Variants in EML4 observed in about 807,000 individuals in gnomAD.
EML4 encodes echinoderm microtubule-associated protein-like 4.
Under a neutral mutation model 129.0 loss-of-function variants are expected in EML4, and 72 were observed. That is an observed-to-expected ratio of 0.56 (90% CI 0.46 to 0.68). The LOEUF is 0.68. EML4 is among the 30% of genes least tolerant of loss of function. EML4 has a pLI of 0.00. For missense variants in EML4, 1,363 were observed against 1,190.6 expected, an observed-to-expected ratio of 1.14 and a Z score of -2.13; for synonymous variants, 532 against 405.0, an observed-to-expected ratio of 1.31 and a Z score of -3.77.
chr2:42,296,429 C>G (rs911428360), intron 13 of EML4, among the ~76,000 whole-genome samples: 5 of 152,056 alleles, frequency 3.3e-5, no homozygotes, highest in African/African-American at 1.2e-4. Flanking sequence ...CATGTCCTTT[C>G]TCTTGTTCAT....
At chr2:42,174,386 G>C (rs1670451963) in intron 1 of EML4, among the ~76,000 whole-genome samples, 1 of 152,072 alleles carries the variant, frequency 6.6e-6, no homozygotes, top group South Asian at 2.1e-4. Context: ...TGCCTCCTGG[G>C]TTCAAGCGAT....
intron 1 of EML4, among the ~76,000 whole-genome samples, chr2:42,185,186 A>G (rs924455106): frequency 6.6e-6 from 1 of 152,148 alleles, no homozygotes; most frequent in African/African-American, 2.4e-5. Flanking sequence ...ACAGACTACC[A>G]CCTTCTGGCC....
intron 6 of EML4, among the ~76,000 whole-genome samples, chr2:42,271,008 A>G (rs1666331151): frequency 6.6e-6 from 1 of 152,158 alleles, no homozygotes; most frequent in Admixed American, 6.5e-5. Flanking sequence ...TGATCCTCCC[A>G]TCTCAGCCCC....
intron 1 of EML4, among the ~76,000 whole-genome samples, chr2:42,233,530 A>G (rs923535869): frequency 2.6e-5 from 4 of 151,524 alleles, no homozygotes; most frequent in African/African-American, 4.9e-5. Context: ...GGTGGTCTCA[A>G]TCTCCTGACC....
intron 1 of EML4, 46 bp downstream of exon 1, chr2:42,169,682 C>T: frequency 6.3e-7 from 1 of 1,585,896 alleles, no homozygotes. Context: ...AGGGTAGGAA[C>T]TTTTTTCCTT....
At chr2:42,195,115 T>A (rs1205560763) in intron 1 of EML4, among the ~76,000 whole-genome samples, 1 of 152,168 alleles carries the variant, frequency 6.6e-6, no homozygotes, top group Non-Finnish European at 1.5e-5. Flanking sequence ...TATGGGTTTA[T>A]ACCTTCGGGA....
intron 1 of EML4, among the ~76,000 whole-genome samples, chr2:42,176,305 G>A (rs6706129): frequency 0.74 from 112,849 of 152,088 alleles, 42,887 homozygotes; most frequent in African/African-American, 0.9. Flanking sequence ...TATTCGATGC[G>A]TGGATTATTG....
chr2:42,185,896 C>G (rs1027581894), intron 1 of EML4, among the ~76,000 whole-genome samples: 1 of 151,990 alleles, frequency 6.6e-6, no homozygotes, highest in Admixed American at 6.6e-5. Flanking sequence ...TGGTTTTCTT[C>G]AGTAGTGGGA....
chr2:42,242,104 T>G (rs1168911004), intron 1 of EML4, among the ~76,000 whole-genome samples: 2 of 152,244 alleles, frequency 1.3e-5, no homozygotes. Context: ...AAAAGTTTGC[T>G]GAAGGTAAGT....
intron 1 of EML4, among the ~76,000 whole-genome samples, chr2:42,241,787 G>C (rs1675051033): frequency 6.6e-6 from 1 of 151,256 alleles, no homozygotes; most frequent in Non-Finnish European, 1.5e-5. Flanking sequence ...GAGATACCTA[G>C]ATTAGTTTGG....
intron 1 of EML4, 79 bp from the exon 2 acceptor site, chr2:42,245,426 G>A (rs191241153): frequency 4.5e-6 from 6 of 1,339,476 alleles, no homozygotes; most frequent in South Asian, 1.3e-5. Flanking sequence ...TAAGTCTTAT[G>A]TGGGATGGTT....
chr2:42,192,324 C>T (rs1335944168), intron 1 of EML4, among the ~76,000 whole-genome samples: 2 of 150,638 alleles, frequency 1.3e-5, no homozygotes, highest in African/African-American at 4.9e-5. Flanking sequence ...ACTGCAACCT[C>T]TGCCTGCTGG....
intron 1 of EML4, among the ~76,000 whole-genome samples, chr2:42,198,291 A>G (rs923455737): frequency 2.0e-5 from 3 of 152,186 alleles, no homozygotes; most frequent in Non-Finnish European, 2.9e-5. Flanking sequence ...TGGATAGATC[A>G]GATGTGAGAG....
At chr2:42,175,229 C>G (rs917876755) in intron 1 of EML4, among the ~76,000 whole-genome samples, 1 of 151,418 alleles carries the variant, frequency 6.6e-6, no homozygotes, top group Non-Finnish European at 1.5e-5. Flanking sequence ...TCTCCTGCCT[C>G]AAGCCTCCCG....
chr2:42,188,817 T>C (rs1158385620), intron 1 of EML4, among the ~76,000 whole-genome samples: 4 of 152,122 alleles, frequency 2.6e-5, no homozygotes, highest in African/African-American at 9.7e-5. Flanking sequence ...TGAACCGCCA[T>C]GCCCAGCCTA....
chr2:42,280,464 G>C (rs1273206381), intron 6 of EML4, among the ~76,000 whole-genome samples: 1 of 152,020 alleles, frequency 6.6e-6, no homozygotes, highest in African/African-American at 2.4e-5. Context: ...GAAAATATTT[G>C]GGGAAAAAAA....
intron 6 of EML4, among the ~76,000 whole-genome samples, chr2:42,271,551 G>C (rs1313611623): frequency 6.6e-6 from 1 of 152,082 alleles, no homozygotes; most frequent in Non-Finnish European, 1.5e-5. Context: ...ACATGTTCTT[G>C]ACATCCTCTT....
intron 1 of EML4, among the ~76,000 whole-genome samples, chr2:42,191,898 C>G (rs1558488326): frequency 1.3e-5 from 2 of 152,130 alleles, no homozygotes; most frequent in East Asian, 3.9e-4. Context: ...AATCCCAGCT[C>G]TTTGGGAGGC....
chr2:42,226,296 A>C (rs1221360009), intron 1 of EML4, among the ~76,000 whole-genome samples: 1 of 152,106 alleles, frequency 6.6e-6, no homozygotes, highest in Non-Finnish European at 1.5e-5. Context: ...GAAGACACAA[A>C]ATTTCAGTTA....
Sources: allele counts gnomAD v4.1 joint callset (sites outside exome capture counted in the v4.1 genomes callset), GRCh38; gene constraint gnomAD v4.1.1; transcripts MANE v1.5; gene names NCBI Gene and HGNC (gene_info 2026-07-23, HGNC 2026-07-21).